CSMD1: variants seen among roughly 807,000 people sequenced by gnomAD.
The protein encoded by CSMD1 is CUB and Sushi multiple domains 1.
CSMD1 carries 213 observed loss-of-function variants against 417.5 expected under a neutral mutation model. The observed-to-expected ratio is 0.51, with a 90% CI of 0.46 to 0.57. The LOEUF is 0.57. Among genes scored for constraint, CSMD1 ranks in the 20% least tolerant of loss-of-function variants. The pLI is 0.00. For synonymous variants in CSMD1, 2,862 were observed against 1,736.8 expected, an observed-to-expected ratio of 1.65 and a Z score of -16.11; for missense variants, 6,923 against 4,529.7, an observed-to-expected ratio of 1.53 and a Z score of -15.17.
At chr8:4,292,354 G>T (rs1041259575) in intron 3 of CSMD1, among the ~76,000 whole-genome samples, 1 of 152,048 alleles carries the variant, frequency 6.6e-6, no homozygotes, top group Non-Finnish European at 1.5e-5. Flanking sequence ...CGGGGTTCAC[G>T]CCTTTCTCCT....
intron 11 of CSMD1, among the ~76,000 whole-genome samples, chr8:3,492,032 T>G (rs566903063): frequency 6.6e-6 from 1 of 152,276 alleles, no homozygotes; most frequent in South Asian, 2.1e-4. Flanking sequence ...TAGGAAGGGA[T>G]GAGGAAAAGG....
chr8:2,975,940 C>G (rs898300672), intron 55 of CSMD1, among the ~76,000 whole-genome samples: 2 of 152,216 alleles, frequency 1.3e-5, no homozygotes, highest in South Asian at 2.1e-4. Flanking sequence ...AAGTCTCACA[C>G]AAGCCAGTGG....
intron 10 of CSMD1, among the ~76,000 whole-genome samples, chr8:3,504,025 C>A (rs762265312): frequency 6.6e-6 from 1 of 152,092 alleles, no homozygotes; most frequent in African/African-American, 2.4e-5. Flanking sequence ...CAGTGTTCGA[C>A]AGCACTGCAG....
intron 2 of CSMD1, among the ~76,000 whole-genome samples, chr8:4,600,488 T>C (rs767625685): frequency 9.2e-5 from 14 of 152,220 alleles, no homozygotes; most frequent in Admixed American, 8.5e-4. Context: ...ACAGATATAA[T>C]AGGCTAAATA....
chr8:3,737,627 T>C (rs1477931412), intron 6 of CSMD1, among the ~76,000 whole-genome samples: 1 of 152,220 alleles, frequency 6.6e-6, no homozygotes, highest in Non-Finnish European at 1.5e-5. Flanking sequence ...TACTAAGCTT[T>C]TTTTAAGCTA....
At chr8:4,375,070 G>C (rs1178743770) in intron 3 of CSMD1, among the ~76,000 whole-genome samples, 1 of 151,812 alleles carries the variant, frequency 6.6e-6, no homozygotes, top group African/African-American at 2.4e-5. Context: ...TAGAAAAGGA[G>C]TGATGAATAT....
intron 9 of CSMD1, 50 bp from the exon 10 acceptor site, chr8:3,575,116 G>C (rs375495879): frequency 8.2e-6 from 13 of 1,575,938 alleles, no homozygotes; most frequent in Non-Finnish European, 1.1e-5. Context: ...GTGTCAGTTT[G>C]GTAAAGACAT....
At chr8:3,644,430 A>T (rs752782943) in intron 7 of CSMD1, among the ~76,000 whole-genome samples, 8 of 152,152 alleles carry the variant, frequency 5.3e-5, no homozygotes, top group Non-Finnish European at 1.0e-4. Context: ...CCTCACCTTA[A>T]AATAGGCACG....
rs886586143 is a variant in CSMD1 at position 4,887,570 on chromosome 8, G to C, written c.85+106762C>G. Reference sequence around the variant, plus strand: ...TTGTTAACGAAAGTGGGATATTGAAGTCACCAACCATTATTTTAATCTATT... The same window carrying C: ...TTGTTAACGAAAGTGGGATATTGAACTCACCAACCATTATTTTAATCTATT... On this transcript the variant is annotated intron_variant, in intron 1 of 69. Transcript: ENST00000635120. 5.9e-5 allele frequency among the ~76,000 whole-genome samples: 9 copies of C among 151,904 alleles called. 1 individual carries two copies. Among genetic ancestry groups the C allele is most frequent in the African/African-American group, 2.2e-4 (9 of 41,332 alleles).
intron 2 of CSMD1, among the ~76,000 whole-genome samples, chr8:4,449,892 T>C (rs1799033107): frequency 6.6e-6 from 1 of 152,160 alleles, no homozygotes; most frequent in Admixed American, 6.5e-5. Context: ...TCAACCTCCA[T>C]AACATATGTA....
At chr8:4,276,151 G>A (rs1796473432) in intron 3 of CSMD1, among the ~76,000 whole-genome samples, 1 of 152,094 alleles carries the variant, frequency 6.6e-6, no homozygotes, top group African/African-American at 2.4e-5. Context: ...AAATCATTAT[G>A]CTATAAAGAC....
In CSMD1 at chr8:3,308,375, T is replaced by A; in HGVS notation, c.3760A>T (p.Asn1254Tyr). ...CNPGYAMHGS[N>Y]TLTCLSGDRR... ...TCTCCACTCAAACAGGTCAGGGTGT[T>A]GCTGCCATGCATGGCGTACCCCGGG... Residue 1254 changes from asparagine (N) to tyrosine (Y), a missense_variant, in exon 24 of 70, where the codon AAC (asparagine) becomes TAC (tyrosine). Transcript: ENST00000635120. The A allele has an allele frequency of 6.2e-7, 1 of 1,613,822 alleles. No homozygotes were observed. The highest frequency in any genetic ancestry group is 8.5e-7 in the Non-Finnish European group (1 of 1,179,802).
At chr8:4,293,179 C>T (rs1181976772) in intron 3 of CSMD1, among the ~76,000 whole-genome samples, 1 of 152,026 alleles carries the variant, frequency 6.6e-6, no homozygotes, top group South Asian at 2.1e-4. Flanking sequence ...AGGACTGAAC[C>T]TCCCTGGCAC....
rs527643920 is a variant in CSMD1, at chr8:4,247,534, C to G, written c.415+172419G>C. Among the ~76,000 whole-genome samples the G allele has an allele frequency of 6.6e-5, 10 of 152,072 alleles. No homozygotes were observed. The South Asian group carries it at 1.0e-3, about 16-fold the overall frequency. ...GAAATTTACTTTTTCTTATTAGTAC[C>G]CGAAGAATCAAAGGCTTTTAAGAAT... On this transcript the variant is annotated intron_variant, in intron 3 of 69. Transcript: ENST00000635120.
intron 62 of CSMD1, among the ~76,000 whole-genome samples, chr8:2,960,783 A>C (rs1282776478): frequency 1.3e-5 from 2 of 152,082 alleles, no homozygotes; most frequent in East Asian, 3.9e-4. Flanking sequence ...ATGGGTAGCT[A>C]ATCAGTGACA....
chr8:3,163,945 C>T (rs890348853), intron 37 of CSMD1, among the ~76,000 whole-genome samples: 8 of 152,222 alleles, frequency 5.3e-5, no homozygotes, highest in Non-Finnish European at 1.2e-4. Flanking sequence ...TGAGCCTGAT[C>T]TCTCATGCGT....
chr8:4,513,784 T>G (rs1268705129), intron 2 of CSMD1, among the ~76,000 whole-genome samples: 2 of 152,222 alleles, frequency 1.3e-5, no homozygotes, highest in African/African-American at 2.4e-5. Context: ...TTATTCCTTA[T>G]GTACAGCTGG....
chr8:4,268,592 AT>A (rs1804371063), intron 3 of CSMD1, among the ~76,000 whole-genome samples: 1 of 152,166 alleles, frequency 6.6e-6, no homozygotes, highest in African/African-American at 2.4e-5. Context: ...CCAAAGACTT[AT>A]TTTTGCAAGA....
intron 7 of CSMD1, among the ~76,000 whole-genome samples, chr8:3,648,118 GAA>G (rs1489656326): frequency 6.6e-6 from 1 of 152,188 alleles, no homozygotes; most frequent in Non-Finnish European, 1.5e-5. Context: ...CCTAAAAACA[GAA>G]CCTACCACTT....
Sources: allele counts gnomAD v4.1 joint callset (sites outside exome capture counted in the v4.1 genomes callset), GRCh38; gene constraint gnomAD v4.1.1; transcripts MANE v1.5; gene names NCBI Gene and HGNC (gene_info 2026-07-23, HGNC 2026-07-21).